The following SPNS3 variants were observed in gnomAD, a reference collection of about 807,000 sequenced individuals.
The protein encoded by SPNS3 is SPNS lysolipid transporter 3, sphingosine-1-phosphate (putative), also known as protein spinster homolog 3.
Under a neutral mutation model 54.4 loss-of-function variants are expected in SPNS3, and 51 were observed. The ratio of observed to expected loss-of-function variants is 0.94; its 90% CI spans 0.75 to 1.18. The LOEUF (loss-of-function observed/expected upper bound fraction) is 1.18. SPNS3 is among the 50% of genes most tolerant of loss of function. The pLI is 0.00. For synonymous variants in SPNS3, 309 were observed against 294.7 expected (o/e 1.05, Z -0.50); for missense variants, 669 against 677.4 (o/e 0.99, Z 0.14).
chr17:4,449,852 G>A (rs986416911), intron 7 of SPNS3, among the ~76,000 whole-genome samples: 2 of 152,146 alleles, frequency 1.3e-5, no homozygotes, highest in African/African-American at 4.8e-5. Flanking sequence ...AGGCTGCCGG[G>A]AGGGGAGGCG....
chr17:4,481,560 C>T (rs1972151210), intron 9 of SPNS3, among the ~76,000 whole-genome samples: 1 of 152,156 alleles, frequency 6.6e-6, no homozygotes, highest in Non-Finnish European at 1.5e-5. Flanking sequence ...GTGGAAACTG[C>T]AGGTGTCTGG....
intron 1 of SPNS3, among the ~76,000 whole-genome samples, chr17:4,435,151 G>A (rs1597295535): frequency 6.6e-6 from 1 of 151,188 alleles, no homozygotes; most frequent in Non-Finnish European, 1.5e-5. Context: ...GGCTGGGTGC[G>A]GTGGCTCAGG....
intron 11 of SPNS3, among the ~76,000 whole-genome samples, chr17:4,487,276 G>A (rs538976450): frequency 3.9e-5 from 6 of 152,032 alleles, no homozygotes; most frequent in East Asian, 1.9e-4. Flanking sequence ...GGAGTGAGCC[G>A]TTCAGCGACC....
chr17:4,486,300 G>T lies in SPNS3; in HGVS notation c.1252G>T (p.Ala418Ser). 1.3e-6 allele frequency: 2 copies of T among 1,596,164 alleles called. No homozygotes were observed. Among genetic ancestry groups the T allele is most frequent in the Non-Finnish European group, 8.5e-7 (1 of 1,173,542 alleles). The change falls in exon 10 of 12, where the codon GCT (alanine) becomes TCT (serine). Residue 418 changes from alanine (A) to serine (S), a missense_variant. Ala to Ser is a moderately conservative substitution (Grantham distance 99, BLOSUM62 1). Coordinates refer to ENST00000355530, the MANE Select transcript of SPNS3 (RefSeq NM_182538.5). The surrounding 1 kb of genome is among the most constrained non-coding windows in gnomAD (Gnocchi z 5.5). ...QITVGHILGD[A>S]GSPYLTGLIS... ...CACGGTGGGCCACATCCTGGGAGACGCTGGCAGCCCCTATCTCACAGGACT... is the reference window on the plus strand; with the variant it reads ...CACGGTGGGCCACATCCTGGGAGACTCTGGCAGCCCCTATCTCACAGGACT...
At chr17:4,450,553 A>G (rs375547564) in intron 7 of SPNS3, among the ~76,000 whole-genome samples, 1 of 151,906 alleles carries the variant, frequency 6.6e-6, no homozygotes, top group Non-Finnish European at 1.5e-5. Flanking sequence ...AGCTGGGACC[A>G]CAGGCACACG....
intron 7 of SPNS3, among the ~76,000 whole-genome samples, chr17:4,450,580 TTTTTATTTTA>T (rs918902101): frequency 6.6e-6 from 1 of 150,692 alleles, no homozygotes; most frequent in African/African-American, 2.5e-5. Context: ...TGCCTGGCTA[TTTTTATTTTA>T]TTTTATTTTA....
chr17:4,458,650 C>CTCTCT (rs1971412310), intron 8 of SPNS3, among the ~76,000 whole-genome samples: 1 of 46,328 alleles, frequency 2.2e-5, no homozygotes, highest in African/African-American at 7.9e-5. Context: ...TCTTTCTTTC[C>CTCTCT]TTCCTTCTTT....
At chr17:4,478,242 A>G (rs1403100517) in intron 8 of SPNS3, among the ~76,000 whole-genome samples, 2 of 151,800 alleles carry the variant, frequency 1.3e-5, no homozygotes, top group Non-Finnish European at 2.9e-5. Flanking sequence ...AAAGTGCTGG[A>G]ATTACAGGCT....
chr17:4,466,731 G>A (rs1469124121), intron 8 of SPNS3, among the ~76,000 whole-genome samples: 1 of 147,972 alleles, frequency 6.8e-6, no homozygotes, highest in East Asian at 2.0e-4. Context: ...TGTAATCCCA[G>A]ATACTTGGGA....
At chr17:4,445,299 A>C (rs1452635853) in intron 3 of SPNS3, 131 bp downstream of exon 3, 8 of 976,392 alleles carry the variant, frequency 8.2e-6, no homozygotes, top group Non-Finnish European at 1.0e-5. Context: ...CAGGGATTGC[A>C]CTGAGGGCTG....
chr17:4,475,607 C>T (rs1971971489), intron 8 of SPNS3, among the ~76,000 whole-genome samples: 1 of 152,260 alleles, frequency 6.6e-6, no homozygotes, highest in South Asian at 2.1e-4. Context: ...CCAGTCCGCG[C>T]CTGGGGCCTG....
At chr17:4,481,852 T>A (rs571105331) in intron 9 of SPNS3, 36 of 150,920 alleles carry the variant, frequency 2.4e-4, no homozygotes, top group African/African-American at 8.3e-4. Flanking sequence ...GACTTCCAGA[T>A]CATCCCTTCC....
At chr17:4,445,196 C>A (rs768370795) in intron 3 of SPNS3, 28 bp downstream of exon 3, 3 of 1,583,102 alleles carry the variant, frequency 1.9e-6, no homozygotes, top group Non-Finnish European at 2.6e-6. Context: ...TGTCCAGGCC[C>A]CTGAGGCCCC....
intron 2 of SPNS3, among the ~76,000 whole-genome samples, chr17:4,441,591 T>C (rs188915053): frequency 1.1e-3 from 174 of 152,182 alleles, no homozygotes; most frequent in Middle Eastern, 3.4e-3. Context: ...CTTCACTGGT[T>C]CTTTTTTTTT....
chr17:4,455,016 C>T lies in SPNS3; in HGVS notation c.1113+1811C>T, dbSNP rs547731865. Among the ~76,000 whole-genome samples, 14 of 151,674 alleles carry T rather than the reference C, an allele frequency of 9.2e-5. No individual in the cohort carries two copies. In the South Asian group the frequency reaches 2.7e-3, roughly 29 times the overall value. Reference sequence around the variant, plus strand: ...GTAACCTCCGCCTCCTGGGTTCAAGCGATTCTCCTGCCTTAGCCTCCCAAG... The same window carrying T: ...GTAACCTCCGCCTCCTGGGTTCAAGTGATTCTCCTGCCTTAGCCTCCCAAG... On this transcript the variant is annotated intron_variant, in intron 8 of 11. Transcript: ENST00000355530.
At chr17:4,484,413 C>A (rs556343171) in intron 9 of SPNS3, among the ~76,000 whole-genome samples, 1 of 152,148 alleles carries the variant, frequency 6.6e-6, no homozygotes, top group South Asian at 2.1e-4. Context: ...CTCCACCTCC[C>A]GGGTTCAAGC....
At chr17:4,459,712 C>CTAAA (rs1417576517) in intron 8 of SPNS3, among the ~76,000 whole-genome samples, 2 of 151,838 alleles carry the variant, frequency 1.3e-5, no homozygotes, top group East Asian at 3.9e-4. Flanking sequence ...GACTCCATGT[C>CTAAA]TAAATAAATA....
intron 8 of SPNS3, among the ~76,000 whole-genome samples, chr17:4,467,943 T>C (rs1971728311): frequency 6.6e-6 from 1 of 152,224 alleles, no homozygotes; most frequent in Non-Finnish European, 1.5e-5. Context: ...AGTGCTGGGA[T>C]TACAGGCATG....
chr17:4,470,945 A>C (rs979732878), intron 8 of SPNS3, among the ~76,000 whole-genome samples: 2 of 151,666 alleles, frequency 1.3e-5, no homozygotes, highest in African/African-American at 4.8e-5. Context: ...TTTTTGTGAG[A>C]CACAGTTTCG....
Sources: allele counts gnomAD v4.1 joint callset (sites outside exome capture counted in the v4.1 genomes callset), GRCh38; gene constraint gnomAD v4.1.1; non-coding constraint Gnocchi (gnomAD v3.1); transcripts MANE v1.5; gene names NCBI Gene and HGNC (gene_info 2026-07-23, HGNC 2026-07-21).